Variants in PPM1G observed in about 807,000 individuals in gnomAD.
PPM1G encodes protein phosphatase 1G.
In PPM1G, 12 loss-of-function variants were observed where a neutral mutation model predicts 59.4. The observed-to-expected ratio is 0.20, with a 90% confidence interval of 0.13 to 0.33. The LOEUF is 0.33. PPM1G is among the 10% of genes least tolerant of loss of function. The probability of loss-of-function intolerance (pLI) is 1.00; values close to 1 mark genes in which losing one functional copy is unlikely to be tolerated. For synonymous variants in PPM1G, 245 were observed against 251.9 expected, an observed-to-expected ratio of 0.97 and a Z score of 0.26; for missense variants, 392 against 681.3, an observed-to-expected ratio of 0.58 and a Z score of 4.73.
intron 1 of PPM1G, among the ~76,000 whole-genome samples, chr2:27,391,902 T>C (rs537907582): frequency 1.4e-4 from 21 of 152,156 alleles, no homozygotes; most frequent in Middle Eastern, 3.4e-3. Context: ...CAGCTAATTT[T>C]TGTATTTTTA....
At position 27,385,213 on chromosome 2, in the gene PPM1G, T is replaced by C; in HGVS notation, c.410-125A>G. 9.1e-7 allele frequency: 1 copy of C among 1,104,720 alleles called. No homozygotes were observed. Among genetic ancestry groups the C allele is most frequent in the Non-Finnish European group, 1.3e-6 (1 of 795,792 alleles). The allele number at this position is 1,104,720 out of a possible 1,614,324, so 68.4% of individuals were successfully genotyped here. A position where few individuals can be genotyped will look rare whatever the true frequency, so the allele number is the denominator to read the frequency against. ...CAACCTCCCACTCCCAAGGTTCCTC[T>C]CGCTCAAGTCTCAGAAGAACATGCC... is the stretch of plus-strand genomic sequence containing the variant. On this transcript the variant is annotated intron_variant, in intron 4 of 9. Coordinates refer to ENST00000344034, the MANE Select transcript of PPM1G (RefSeq NM_177983.3). The surrounding 1 kb of genome is among the most constrained non-coding windows in gnomAD (Gnocchi z 4.1).
chr2:27,393,257 G>A lies in PPM1G; in HGVS notation c.121-6099C>T, dbSNP rs1221888629. 1.1e-5 allele frequency: 18 copies of A among 1,585,360 alleles called. No homozygotes were observed. In the Admixed American group the frequency reaches 1.8e-4, roughly 16 times the overall value. The stretch of plus-strand genomic sequence containing the variant: ...CATCGCTGTCAAAGTAGTAAGCCAC[G>A]CACAGGTAAATGGAGGAGGCGTAGA... On this transcript the variant is annotated intron_variant, in intron 1 of 9. Transcript: ENST00000344034.
Position 27,392,286 on chromosome 2 carries a change from G to GTTTTTTTTTT in PPM1G, c.121-5138_121-5129dup, listed in dbSNP as rs70953857. On this transcript the variant is annotated intron_variant, in intron 1 of 9. Coordinates refer to ENST00000344034, the MANE Select transcript of PPM1G (RefSeq NM_177983.3). ...TTACTTTGTTTTGTTGGTTTGTTTT[G>GTTTTTTTTTT]TTTTTTTTTTTTTTTTTTTTTTTTG... Among the ~76,000 whole-genome samples the GTTTTTTTTTT allele has an allele frequency of 3.5e-3, 248 of 70,194 alleles. 3 individuals are homozygous for GTTTTTTTTTT. Among genetic ancestry groups the GTTTTTTTTTT allele is most frequent in the Middle Eastern group, 0.018 (2 of 112 alleles). The allele number at this position is 70,194 out of a possible 152,430, so 46.0% of individuals were successfully genotyped here. A position where few individuals can be genotyped will look rare whatever the true frequency, so the allele number is the denominator to read the frequency against.
rs955959395 is a variant in PPM1G at position 27,383,749 on chromosome 2, G to T, written c.967-149C>A. 2.7e-5 allele frequency: 31 copies of T among 1,151,340 alleles called. No individual in the cohort carries two copies. The African/African-American group carries it at 4.7e-4, about 17-fold the overall frequency. The allele number at this position is 1,151,340 out of a possible 1,614,324, so 71.3% of individuals were successfully genotyped here. ...GAAGCACACATTTCATCTTTCTAGA[G>T]ACAGCAGCACACTCCCTCTCCCTTG... On this transcript the variant is annotated intron_variant, in intron 6 of 9. Coordinates refer to ENST00000344034, the MANE Select transcript of PPM1G (RefSeq NM_177983.3). The surrounding 1 kb of genome is among the most constrained non-coding windows in gnomAD (Gnocchi z 5.0).
At position 27,382,006 on chromosome 2, in the gene PPM1G, G is replaced by A. The variant is rs1683643477; in HGVS notation, c.1434+120C>T. 1 of 1,111,186 alleles carries A rather than the reference G, an allele frequency of 9.0e-7. No individual in the cohort carries two copies. The highest frequency in any genetic ancestry group is 1.5e-5 in the African/African-American group (1 of 65,146). 68.8% of individuals were successfully genotyped at this position (1,111,186 alleles called of 1,614,324 possible). A position where few individuals can be genotyped will look rare whatever the true frequency, so the allele number is the denominator to read the frequency against. ...ACAGAAGGTGGAACTTTGGAGTCGG[G>A]GTTTAGCGTCTGTCAGCAATTACTG... is the stretch of plus-strand genomic sequence containing the variant. On this transcript the variant is annotated intron_variant, in intron 9 of 9. Transcript: ENST00000344034. The surrounding 1 kb of genome is among the most constrained non-coding windows in gnomAD (Gnocchi z 4.2).
At position 27,381,421 on chromosome 2, in the gene PPM1G, A is replaced by G; in HGVS notation, c.*178T>C. 3.0e-6 allele frequency: 2 copies of G among 659,222 alleles called. No homozygotes were observed. Among genetic ancestry groups the G allele is most frequent in the South Asian group, 3.8e-5 (2 of 53,188 alleles). The allele number at this position is 659,222 out of a possible 1,614,324, so 40.8% of individuals were successfully genotyped here. ...AGCAGAGGCGGCTGGGAAGGACAGC[A>G]GAGGCTCCCGGCTGCAGTGTGGAGG... On this transcript the variant is annotated 3_prime_UTR_variant, in exon 10 of 10. Transcript: ENST00000344034.
In PPM1G at chr2:27,386,251, T is replaced by C. The variant is rs757071656; in HGVS notation, c.219A>G (p.Lys73=). ...GATCTTTGATGATATCAGGAAGATA[T>C]TTGGCACAGTACAAGGCAACTTCCT... ...GGEEVALYCA[K]YLPDIIKDQK... is the part of the protein sequence containing the mutation. The change falls in exon 3 of 10, where the codon AAA becomes AAG. Residue 73 remains lysine, a synonymous_variant. Transcript: ENST00000344034. 8.7e-6 allele frequency: 14 copies of C among 1,613,734 alleles called. No individual in the cohort carries two copies. The African/African-American group carries it at 1.1e-4, about 12-fold the overall frequency.
intron 1 of PPM1G, among the ~76,000 whole-genome samples, chr2:27,402,857 A>T (rs994023709): frequency 6.8e-6 from 1 of 148,072 alleles, no homozygotes; most frequent in Non-Finnish European, 1.5e-5. Flanking sequence ...AATAAATAAA[A>T]TAAACATAAA....
chr2:27,387,330 G>T (rs1383890505), intron 1 of PPM1G, among the ~76,000 whole-genome samples, 172 bp from the exon 2 acceptor site: 2 of 152,098 alleles, frequency 1.3e-5, no homozygotes, highest in African/African-American at 2.4e-5. Context: ...GAGGAGGGAG[G>T]CAAAGGAGGA....
intron 1 of PPM1G, among the ~76,000 whole-genome samples, chr2:27,403,612 C>T (rs983869024): frequency 5.3e-5 from 8 of 151,948 alleles, no homozygotes; most frequent in Admixed American, 3.9e-4. Context: ...TCTGGCCAGG[C>T]GCAGTAGCTC....
intron 1 of PPM1G, among the ~76,000 whole-genome samples, chr2:27,404,460 G>A (rs1663291863): frequency 6.6e-6 from 1 of 151,338 alleles, no homozygotes; most frequent in Non-Finnish European, 1.5e-5. Flanking sequence ...TGAGGCAGGA[G>A]AATCACTTGA....
intron 1 of PPM1G, among the ~76,000 whole-genome samples, chr2:27,394,732 ACT>A (rs2148423543): frequency 7.8e-6 from 1 of 127,898 alleles, no homozygotes; most frequent in Non-Finnish European, 1.6e-5. Context: ...ACAGAGTGAG[ACT>A]CTGTCTTAAA....
At chr2:27,400,573 G>A (rs1455757537) in intron 1 of PPM1G, among the ~76,000 whole-genome samples, 5 of 152,044 alleles carry the variant, frequency 3.3e-5, no homozygotes, top group Non-Finnish European at 5.9e-5. Context: ...GGACAACACA[G>A]TAAGACCCTG....
chr2:27,402,685 T>C (rs901649055), intron 1 of PPM1G, among the ~76,000 whole-genome samples: 8 of 151,764 alleles, frequency 5.3e-5, no homozygotes, highest in African/African-American at 1.9e-4. Flanking sequence ...GGCGGGCGCC[T>C]GTAGTCCAGC....
Position 27,383,903 on chromosome 2 carries a change from C to T in PPM1G, c.966+49G>A, listed in dbSNP as rs184321957. On this transcript the variant is annotated intron_variant, in intron 6 of 9. Coordinates refer to ENST00000344034, the MANE Select transcript of PPM1G (RefSeq NM_177983.3). The surrounding 1 kb of genome is among the most constrained non-coding windows in gnomAD (Gnocchi z 5.0). ...CTCAAAATCAAAATTAGGGGATTCA[C>T]ACCTGCCTTGTGGCTTTTCAAGACT... The T allele has an allele frequency of 3.0e-5, 46 of 1,549,850 alleles. No individual in the cohort carries two copies. The East Asian group carries it at 9.0e-4, about 30-fold the overall frequency.
At chr2:27,389,233 T>C (rs1324714369) in intron 1 of PPM1G, among the ~76,000 whole-genome samples, 1 of 152,136 alleles carries the variant, frequency 6.6e-6, no homozygotes, top group African/African-American at 2.4e-5. Context: ...ATTTGCTACA[T>C]AAAAATATAT....
chr2:27,402,846 AAAT>A (rs1270599926), intron 1 of PPM1G, among the ~76,000 whole-genome samples: 2,462 of 117,224 alleles, frequency 0.021, 82 homozygotes, highest in African/African-American at 0.079. Context: ...ATAAATAAAT[AAAT>A]AAATAAAATA....
Position 27,382,445 on chromosome 2 carries a change from G to C in PPM1G, c.1331+31C>G. On this transcript the variant is annotated intron_variant, in intron 8 of 9. Transcript: ENST00000344034. The surrounding 1 kb of genome is among the most constrained non-coding windows in gnomAD (Gnocchi z 4.2). ...TATAAGAGAAGACATGCTGCAGAAA[G>C]GGGAATTTAGGGCATTCTGCCAGTG... is the stretch of plus-strand genomic sequence containing the variant. 6.2e-7 allele frequency: 1 copy of C among 1,613,072 alleles called. No homozygotes were observed. Among genetic ancestry groups the C allele is most frequent in the Non-Finnish European group, 8.5e-7 (1 of 1,179,642 alleles).
rs1663465821 is a variant in PPM1G at position 27,409,512 on chromosome 2, A to T, written c.-90T>A. 7.5e-7 allele frequency: 1 copy of T among 1,339,130 alleles called. No homozygotes were observed. Among genetic ancestry groups the T allele is most frequent in the Non-Finnish European group, 9.6e-7 (1 of 1,046,392 alleles). The allele number at this position is 1,339,130 out of a possible 1,614,324, so 83.0% of individuals were successfully genotyped here. A position where few individuals can be genotyped will look rare whatever the true frequency, so the allele number is the denominator to read the frequency against. On this transcript the variant is annotated 5_prime_UTR_variant, in exon 1 of 10. Transcript: ENST00000344034. ...CCCCGGGGGTGCGCGCGGCAGGAGC[A>T]GGCCCCGCGGCGCGACCGACGCAAG...
Sources: gnomAD v4.1 joint callset for allele counts (sites outside exome capture counted in the v4.1 genomes callset) on GRCh38, gnomAD v4.1.1 for gene constraint, Gnocchi (gnomAD v3.1) non-coding constraint, MANE v1.5 for transcripts, NCBI Gene and HGNC (gene_info 2026-07-23, HGNC 2026-07-21) for gene names.